Variants in ROBO2 observed in about 807,000 individuals in gnomAD.
The protein encoded by ROBO2 is roundabout homolog 2.
Under a neutral mutation model 160.8 loss-of-function variants are expected in ROBO2, and 53 were observed. The observed-to-expected ratio is 0.33, with a 90% CI of 0.26 to 0.41. The LOEUF (loss-of-function observed/expected upper bound fraction) is 0.41. Ranked by LOEUF, ROBO2 falls within the 10% of genes least tolerant of loss-of-function variation. The probability of loss-of-function intolerance (pLI) is 1.00; values close to 1 mark genes in which losing one functional copy is unlikely to be tolerated. For synonymous variants in ROBO2, 664 were observed against 611.7 expected (o/e 1.09, Z -1.26); for missense variants, 1,577 against 1,722.4 (o/e 0.92, Z 1.49).
intron 2 of ROBO2, among the ~76,000 whole-genome samples, chr3:76,515,897 T>C (rs1389875773): frequency 6.6e-6 from 1 of 152,280 alleles, no homozygotes; most frequent in Admixed American, 6.5e-5. Flanking sequence ...TTATGTCTCA[T>C]TTTCTCCCAG....
At chr3:77,386,679 T>G (rs909329131) in intron 2 of ROBO2, among the ~76,000 whole-genome samples, 1 of 145,216 alleles carries the variant, frequency 6.9e-6, no homozygotes. Flanking sequence ...CTTGTCTCAC[T>G]GCAACCTCTG....
At chr3:76,348,301 T>C (rs1413213470) in intron 2 of ROBO2, among the ~76,000 whole-genome samples, 1 of 152,146 alleles carries the variant, frequency 6.6e-6, no homozygotes, top group African/African-American at 2.4e-5. Flanking sequence ...AGAGGCAATC[T>C]TCCTGACTGG....
chr3:76,981,449 TC>T (rs1444413910), intron 2 of ROBO2, among the ~76,000 whole-genome samples: 1 of 152,216 alleles, frequency 6.6e-6, no homozygotes, highest in African/African-American at 2.4e-5. Flanking sequence ...TGAACAACTT[TC>T]TATGTGTTTA....
chr3:76,640,539 TAATAAATAAATAAATAAATA>T lies in ROBO2; in HGVS notation c.110-457458_110-457439del, dbSNP rs56257359. Reference sequence around the variant, plus strand: ...AACGAGTGAAGCTCCGTCTCAAAAATAATAAATAAATAAATAAATAAATAAATAAATAAATATCAATGCGT... The same window carrying T: ...AACGAGTGAAGCTCCGTCTCAAAAATAATAAATAAATAAATATCAATGCGT... On this transcript the variant is annotated intron_variant, in intron 2 of 26. Coordinates refer to the ROBO2 transcript ENST00000487694. Among the ~76,000 whole-genome samples, 4 of 144,606 alleles carry T rather than the reference TAATAAATAAATAAATAAATA, an allele frequency of 2.8e-5. No homozygotes were observed. The East Asian group carries it at 8.2e-4, about 30-fold the overall frequency. The allele number at this position is 144,606 out of a possible 152,430, so 94.9% of individuals were successfully genotyped here. A position where few individuals can be genotyped will look rare whatever the true frequency, so the allele number is the denominator to read the frequency against.
intron 2 of ROBO2, among the ~76,000 whole-genome samples, chr3:77,434,836 CTTTTA>C (rs1425112119): frequency 2.6e-5 from 4 of 152,014 alleles, no homozygotes; most frequent in Non-Finnish European, 5.9e-5. Flanking sequence ...ACTGGATACC[CTTTTA>C]TTTTAAGATC....
intron 2 of ROBO2, among the ~76,000 whole-genome samples, chr3:76,255,446 C>T (rs1404114248): frequency 2.6e-5 from 4 of 152,118 alleles, no homozygotes; most frequent in Admixed American, 2.0e-4. Flanking sequence ...TGCTCTTTTT[C>T]GCCAAGAGCC....
At chr3:76,380,566 A>G (rs2076569840) in intron 2 of ROBO2, among the ~76,000 whole-genome samples, 1 of 152,110 alleles carries the variant, frequency 6.6e-6, no homozygotes, top group Non-Finnish European at 1.5e-5. Flanking sequence ...TTTCCTAATA[A>G]CATTTTGTTT....
At chr3:77,180,416 C>CTATATATATATA (rs71104657) in intron 2 of ROBO2, among the ~76,000 whole-genome samples, 2 of 90,704 alleles carry the variant, frequency 2.2e-5, no homozygotes, top group African/African-American at 3.8e-5. Context: ...CTCTCTCTCT[C>CTATATATATATA]TATATATATA....
chr3:77,374,950 T>C (rs1328563291), intron 2 of ROBO2, among the ~76,000 whole-genome samples: 2 of 152,246 alleles, frequency 1.3e-5, no homozygotes, highest in African/African-American at 4.8e-5. Flanking sequence ...GGCTCATACC[T>C]GTAATCCCGG....
chr3:76,835,465 T>C (rs990451256), intron 2 of ROBO2, among the ~76,000 whole-genome samples: 1 of 148,554 alleles, frequency 6.7e-6, no homozygotes, highest in East Asian at 2.0e-4. Context: ...TTTGCACATA[T>C]GTGCAAACAC....
intron 2 of ROBO2, among the ~76,000 whole-genome samples, chr3:76,007,123 T>C (rs2066043271): frequency 1.3e-5 from 2 of 152,122 alleles, no homozygotes; most frequent in Admixed American, 6.5e-5. Context: ...CATTTTTATC[T>C]GCATTGCTTT....
intron 2 of ROBO2, among the ~76,000 whole-genome samples, chr3:76,385,026 C>G (rs908818546): frequency 1.3e-5 from 2 of 152,082 alleles, no homozygotes; most frequent in African/African-American, 2.4e-5. Context: ...CTTTGTCTCC[C>G]AGATAGGGCC....
chr3:76,697,705 A>G (rs763620008), intron 2 of ROBO2, among the ~76,000 whole-genome samples: 1 of 152,064 alleles, frequency 6.6e-6, no homozygotes, highest in Non-Finnish European at 1.5e-5. Context: ...ATTGTATTAG[A>G]TTGATCTGTA....
intron 2 of ROBO2, among the ~76,000 whole-genome samples, chr3:76,592,274 G>A (rs1371373557): frequency 6.6e-6 from 1 of 152,084 alleles, no homozygotes; most frequent in South Asian, 2.1e-4. Context: ...TCCCTGTACA[G>A]ATAATTTATA....
chr3:76,931,738 G>A (rs1423209042), intron 2 of ROBO2, among the ~76,000 whole-genome samples: 2 of 152,070 alleles, frequency 1.3e-5, no homozygotes, highest in African/African-American at 2.4e-5. Context: ...CTGGAGTGCA[G>A]TGGCATGATC....
intron 2 of ROBO2, among the ~76,000 whole-genome samples, chr3:77,331,552 T>C (rs1206290034): frequency 6.6e-6 from 1 of 152,198 alleles, no homozygotes; most frequent in Non-Finnish European, 1.5e-5. Flanking sequence ...TAATTTCATA[T>C]ATTGAAGGCA....
At chr3:77,465,568 A>C (rs957992007) in intron 2 of ROBO2, among the ~76,000 whole-genome samples, 1 of 152,178 alleles carries the variant, frequency 6.6e-6, no homozygotes, top group Admixed American at 6.6e-5. Flanking sequence ...AGGTGACTCC[A>C]GTGTGTATCA....
intron 2 of ROBO2, among the ~76,000 whole-genome samples, chr3:76,332,486 A>C (rs1324686767): frequency 1.3e-5 from 2 of 152,180 alleles, no homozygotes; most frequent in Non-Finnish European, 2.9e-5. Flanking sequence ...TCCATCTTAC[A>C]GTTTCAAACT....
chr3:77,518,534 GGAGA>G (rs1261591863), intron 5 of ROBO2, among the ~76,000 whole-genome samples: 1 of 151,324 alleles, frequency 6.6e-6, no homozygotes, highest in African/African-American at 2.4e-5. Flanking sequence ...ACTTCTAGTT[GGAGA>G]AAGACAAGGC....
Sources: gnomAD v4.1 joint callset for allele counts (sites outside exome capture counted in the v4.1 genomes callset) on GRCh38, gnomAD v4.1.1 for gene constraint, MANE v1.5 for transcripts, NCBI Gene and HGNC (gene_info 2026-07-23, HGNC 2026-07-21) for gene names.